The following SLC39A11 variants were observed in gnomAD, a reference collection of about 807,000 sequenced individuals.
SLC39A11 encodes zinc transporter ZIP11.
A neutral mutation model predicts 36.1 loss-of-function variants in SLC39A11; 33 were observed. The observed-to-expected ratio is 0.91, with a 90% confidence interval of 0.69 to 1.22. The LOEUF (loss-of-function observed/expected upper bound fraction) is 1.22, where lower values mean the gene tolerates loss of function less well. Ranked by LOEUF, SLC39A11 falls within the 50% of genes most tolerant of loss-of-function variation. The probability of loss-of-function intolerance (pLI) is 0.00; values close to 1 mark genes in which losing one functional copy is unlikely to be tolerated. For missense variants in SLC39A11, 432 were observed against 430.3 expected, an observed-to-expected ratio of 1.00 and a Z score of -0.03; for synonymous variants, 166 against 170.3, an observed-to-expected ratio of 0.97 and a Z score of 0.20.
intron 3 of SLC39A11, among the ~76,000 whole-genome samples, chr17:73,038,473 C>T (rs186766471): frequency 2.0e-5 from 3 of 149,838 alleles, no homozygotes; most frequent in South Asian, 2.1e-4. Context: ...CCTAGGTGGG[C>T]GGATCACCTG....
rs1271683412 is a variant in SLC39A11, at chr17:73,066,904, C to G, written c.147+17904G>C. 4.6e-5 allele frequency among the ~76,000 whole-genome samples: 7 copies of G among 152,180 alleles called. No homozygotes were observed. The East Asian group carries it at 1.3e-3, about 29-fold the overall frequency. On this transcript the variant is annotated intron_variant, in intron 3 of 9. Coordinates refer to ENST00000255559, the MANE Select transcript of SLC39A11 (RefSeq NM_139177.4). ...TTAGGTTTTCTATCATTCATGATCC[C>G]AAAAGTCCTAGCTAATACAAAGAGA...
intron 6 of SLC39A11, among the ~76,000 whole-genome samples, chr17:72,818,606 G>A (rs1211456890): frequency 6.6e-6 from 1 of 151,958 alleles, no homozygotes; most frequent in Non-Finnish European, 1.5e-5. Flanking sequence ...ATTTCTTTGG[G>A]GGGCCTCATT....
intron 5 of SLC39A11, among the ~76,000 whole-genome samples, chr17:72,909,757 T>C (rs775806037): frequency 6.2e-4 from 69 of 110,782 alleles, no homozygotes; most frequent in East Asian, 3.2e-3. Flanking sequence ...TTTCTTTTTT[T>C]TTTTTTGAGA....
chr17:72,921,934 C>T (rs1223384985), intron 5 of SLC39A11, among the ~76,000 whole-genome samples: 4 of 152,204 alleles, frequency 2.6e-5, no homozygotes, highest in Non-Finnish European at 5.9e-5. Context: ...ATATGTCAAG[C>T]TCTGTTGCTA....
At chr17:73,039,947 T>C (rs2059054710) in intron 3 of SLC39A11, among the ~76,000 whole-genome samples, 1 of 152,176 alleles carries the variant, frequency 6.6e-6, no homozygotes, top group South Asian at 2.1e-4. Context: ...CTCAGAATCT[T>C]GTAAGAAATT....
rs181946378 is a variant in SLC39A11 at position 73,009,091 on chromosome 17, G to C, written c.306+22465C>G. ...AAAAAAAAAAAAAGGCAGGGGGGCG[G>C]GGTGGCTCACGCCTGTAATTTCAGC... On this transcript the variant is annotated intron_variant, in intron 4 of 9. Transcript: ENST00000255559. Among the ~76,000 whole-genome samples the C allele has an allele frequency of 5.8e-3, 871 of 149,012 alleles. 7 individuals are homozygous for C. Among genetic ancestry groups the C allele is most frequent in the East Asian group, 0.019 (96 of 5,026 alleles).
intron 4 of SLC39A11, among the ~76,000 whole-genome samples, chr17:73,031,127 C>T (rs2058726081): frequency 6.6e-6 from 1 of 152,174 alleles, no homozygotes; most frequent in African/African-American, 2.4e-5. Flanking sequence ...CCCTGCCTCA[C>T]CCTCCTGTCA....
At chr17:72,775,112 T>C (rs7211612) in intron 6 of SLC39A11, among the ~76,000 whole-genome samples, 4,596 of 152,308 alleles carry the variant, frequency 0.03, 227 homozygotes, top group African/African-American at 0.1. Flanking sequence ...TTCTTTGTTT[T>C]GCTCGCTTTC....
At chr17:72,933,034 C>A (rs1001903762) in intron 5 of SLC39A11, among the ~76,000 whole-genome samples, 16 of 152,170 alleles carry the variant, frequency 1.1e-4, no homozygotes, top group Admixed American at 5.2e-4. Flanking sequence ...AGAAATAAGG[C>A]AAGACTGTCT....
intron 3 of SLC39A11, among the ~76,000 whole-genome samples, chr17:73,034,893 A>C (rs1042271098): frequency 2.6e-5 from 4 of 152,152 alleles, no homozygotes; most frequent in African/African-American, 9.7e-5. Context: ...GGTGTGTTGG[A>C]ATTTGGGATG....
chr17:72,806,635 T>G (rs552822865), intron 6 of SLC39A11, among the ~76,000 whole-genome samples: 1 of 152,132 alleles, frequency 6.6e-6, no homozygotes, highest in African/African-American at 2.4e-5. Flanking sequence ...CAGACTGGAG[T>G]AGAGTGGTGC....
chr17:73,043,099 G>A (rs1029395248), intron 3 of SLC39A11, among the ~76,000 whole-genome samples: 2 of 152,294 alleles, frequency 1.3e-5, no homozygotes, highest in Non-Finnish European at 2.9e-5. Flanking sequence ...GTCATGCCAA[G>A]AAAGGGGATA....
rs573406931 is a variant in SLC39A11, at chr17:72,899,014, C to T, written c.430+48738G>A. Among the ~76,000 whole-genome samples, 3 of 142,660 alleles carry T rather than the reference C, an allele frequency of 2.1e-5. No homozygotes were observed. The South Asian group carries it at 7.2e-4, about 34-fold the overall frequency. 93.6% of individuals were successfully genotyped at this position (142,660 alleles called of 152,430 possible). A position where few individuals can be genotyped will look rare whatever the true frequency, so the allele number is the denominator to read the frequency against. ...TAAAAGCCACTTGACCGACCCCCAT[C>T]AGCCCAAGTAATTCGGCTGCACTCT... On this transcript the variant is annotated intron_variant, in intron 5 of 9. Coordinates refer to ENST00000255559, the MANE Select transcript of SLC39A11 (RefSeq NM_139177.4).
intron 6 of SLC39A11, among the ~76,000 whole-genome samples, chr17:72,754,805 C>G (rs918855297): frequency 6.6e-6 from 1 of 152,134 alleles, no homozygotes; most frequent in African/African-American, 2.4e-5. Flanking sequence ...GTTTCAGACA[C>G]GTACACGAAT....
chr17:73,050,708 G>T (rs1481524202), intron 3 of SLC39A11, among the ~76,000 whole-genome samples: 3 of 152,062 alleles, frequency 2.0e-5, no homozygotes, highest in African/African-American at 7.2e-5. Context: ...CAAGTGATCC[G>T]CCCATCTCGG....
At position 72,834,777 on chromosome 17, in the gene SLC39A11, A is replaced by G. The variant is rs79585915; in HGVS notation, c.601+14857T>C. ...AAATGTATTCAAATTCTCTTGCTTT[A>G]GTTTTCTCTTTAATTTACATAATAG... On this transcript the variant is annotated intron_variant, in intron 6 of 9. Coordinates refer to ENST00000255559, the MANE Select transcript of SLC39A11 (RefSeq NM_139177.4). Among the ~76,000 whole-genome samples, 497 of 152,326 alleles carry G rather than the reference A, an allele frequency of 3.3e-3. 3 individuals are homozygous for G. The highest frequency in any genetic ancestry group is 0.014 in the Middle Eastern group (4 of 294).
intron 5 of SLC39A11, among the ~76,000 whole-genome samples, chr17:72,865,331 G>T (rs2080245649): frequency 1.4e-5 from 2 of 138,404 alleles, no homozygotes; most frequent in South Asian, 5.1e-4. Flanking sequence ...GAAATAGGGG[G>T]AAAAAATTAT....
chr17:72,997,054 A>G (rs567530052), intron 4 of SLC39A11, among the ~76,000 whole-genome samples: 1 of 152,276 alleles, frequency 6.6e-6, no homozygotes, highest in East Asian at 1.9e-4. Context: ...CCCCCAGCTG[A>G]TCCACAGATG....
chr17:72,886,901 C>T (rs1206966593), intron 5 of SLC39A11, among the ~76,000 whole-genome samples: 1 of 152,190 alleles, frequency 6.6e-6, no homozygotes, highest in African/African-American at 2.4e-5. Flanking sequence ...TCTCTTCACA[C>T]TCACTCTTGG....
Sources: gnomAD v4.1 joint callset for allele counts (sites outside exome capture counted in the v4.1 genomes callset) on GRCh38, gnomAD v4.1.1 for gene constraint, MANE v1.5 for transcripts, NCBI Gene and HGNC (gene_info 2026-07-23, HGNC 2026-07-21) for gene names.